Variants in TSPAN12 observed in about 807,000 individuals in gnomAD.
The protein encoded by TSPAN12 is tetraspanin 12, also known as tetraspanin-12.
In TSPAN12, 19 loss-of-function variants were observed where a neutral mutation model predicts 39.2. That is an observed-to-expected ratio of 0.49 (90% CI 0.34 to 0.71). The LOEUF is 0.71. TSPAN12 is among the 30% of genes least tolerant of loss of function. The pLI is 0.01. For synonymous variants in TSPAN12, 119 were observed against 124.8 expected (o/e 0.95, Z 0.31); for missense variants, 314 against 359.9 (o/e 0.87, Z 1.03).
At chr7:120,815,582 C>T in intron 5 of TSPAN12, 147 bp downstream of exon 5, 10 of 758,106 alleles carry the variant, frequency 1.3e-5, no homozygotes, top group South Asian at 1.3e-4. Context: ...GAGGCCTCCC[C>T]AGCCATGCTG....
At chr7:120,831,978 C>T (rs1205146787) in intron 4 of TSPAN12, among the ~76,000 whole-genome samples, 1 of 150,674 alleles carries the variant, frequency 6.6e-6, no homozygotes, top group Non-Finnish European at 1.5e-5. Context: ...TAAATTATAA[C>T]TTCTAAAGAA....
At chr7:120,852,900 T>A (rs561009549) in intron 2 of TSPAN12, among the ~76,000 whole-genome samples, 1 of 152,094 alleles carries the variant, frequency 6.6e-6, no homozygotes, top group Admixed American at 6.5e-5. Context: ...ATTTTATGGG[T>A]CTATTATGAG....
chr7:120,808,416 T>C (rs898538281), intron 6 of TSPAN12, among the ~76,000 whole-genome samples: 4 of 152,128 alleles, frequency 2.6e-5, no homozygotes, highest in Admixed American at 1.3e-4. Context: ...AACATATTAC[T>C]GTGGTCTACA....
chr7:120,798,454 C>T (rs1243229385), intron 7 of TSPAN12, among the ~76,000 whole-genome samples: 1 of 152,150 alleles, frequency 6.6e-6, no homozygotes, highest in Non-Finnish European at 1.5e-5. Context: ...ATCTAAATAA[C>T]CACTGAACCT....
chr7:120,824,462 C>G (rs1303529237), intron 4 of TSPAN12, among the ~76,000 whole-genome samples: 1 of 151,662 alleles, frequency 6.6e-6, no homozygotes, highest in African/African-American at 2.4e-5. Context: ...AAAAACCTAT[C>G]CATACTGTTT....
intron 4 of TSPAN12, 104 bp from the exon 5 acceptor site, chr7:120,815,907 C>G (rs1794071557): frequency 9.8e-7 from 1 of 1,022,300 alleles, no homozygotes. Context: ...AAAACAGAGG[C>G]AAGTTTTCAT....
At chr7:120,821,045 AAATGAATGAAG>A (rs1000518485) in intron 4 of TSPAN12, among the ~76,000 whole-genome samples, 67 of 152,304 alleles carry the variant, frequency 4.4e-4, no homozygotes, top group African/African-American at 1.6e-3. Context: ...TAAACATTTT[AAATGAATGAAG>A]AATGAATAAA....
chr7:120,821,937 G>C (rs1720303197), intron 4 of TSPAN12, among the ~76,000 whole-genome samples: 1 of 151,786 alleles, frequency 6.6e-6, no homozygotes, highest in Admixed American at 6.6e-5. Flanking sequence ...ACTGTTTTTG[G>C]TATTTTCCAA....
At chr7:120,828,751 A>T (rs1038420577) in intron 4 of TSPAN12, among the ~76,000 whole-genome samples, 5 of 150,696 alleles carry the variant, frequency 3.3e-5, no homozygotes, top group Admixed American at 6.6e-5. Context: ...AAAAAACCCT[A>T]ATTGTCTCAT....
At chr7:120,827,913 G>C (rs971392724) in intron 4 of TSPAN12, among the ~76,000 whole-genome samples, 2 of 152,150 alleles carry the variant, frequency 1.3e-5, no homozygotes, top group African/African-American at 4.8e-5. Flanking sequence ...TCCTCTTTGT[G>C]CTGGCTTGTT....
chr7:120,842,557 G>A (rs1429533467), intron 2 of TSPAN12, among the ~76,000 whole-genome samples: 5 of 151,922 alleles, frequency 3.3e-5, no homozygotes, highest in Non-Finnish European at 7.4e-5. Context: ...AAGCTGTTGG[G>A]CTTCGACGTG....
At chr7:120,797,599 T>C (rs1193036758) in intron 7 of TSPAN12, among the ~76,000 whole-genome samples, 4 of 152,222 alleles carry the variant, frequency 2.6e-5, no homozygotes, top group African/African-American at 4.8e-5. Context: ...ATGGAATACC[T>C]GACAAGAACC....
chr7:120,850,254 G>A (rs558091777), intron 2 of TSPAN12, among the ~76,000 whole-genome samples: 3 of 152,184 alleles, frequency 2.0e-5, no homozygotes, highest in Non-Finnish European at 4.4e-5. Context: ...TTTTCCTATA[G>A]ATAGGGTGAC....
At chr7:120,839,035 G>C in intron 3 of TSPAN12, 123 bp from the exon 4 acceptor site, 1 of 959,392 alleles carries the variant, frequency 1.0e-6, no homozygotes, top group East Asian at 2.5e-5. Flanking sequence ...CAAAACTAGT[G>C]ACTGCATTGT....
intron 2 of TSPAN12, among the ~76,000 whole-genome samples, chr7:120,845,407 A>G (rs1177465045): frequency 6.6e-6 from 1 of 152,216 alleles, no homozygotes; most frequent in African/African-American, 2.4e-5. Context: ...CCACATGGTC[A>G]AGCTGCAAAT....
chr7:120,837,738 T>C (rs1030985880), intron 4 of TSPAN12, among the ~76,000 whole-genome samples: 5 of 152,222 alleles, frequency 3.3e-5, no homozygotes, highest in Admixed American at 6.5e-5. Flanking sequence ...TAGTTCAACT[T>C]CACACTAAGA....
At position 120,820,571 on chromosome 7, in the gene TSPAN12, G is replaced by T. The variant is rs1794170456; in HGVS notation, c.286-4768C>A. On this transcript the variant is annotated intron_variant, in intron 4 of 7. Transcript: ENST00000222747. ...TTTCTCCCTCCCTCTGTGTGTCGGG[G>T]TTTCCTTGTCTGCTGTATTTCAGGT... Among the ~76,000 whole-genome samples the T allele has an allele frequency of 2.0e-5, 3 of 151,878 alleles. No homozygotes were observed. In the South Asian group the frequency reaches 6.2e-4, roughly 32 times the overall value.
intron 2 of TSPAN12, among the ~76,000 whole-genome samples, chr7:120,850,464 C>G (rs142019132): frequency 3.9e-5 from 6 of 152,216 alleles, no homozygotes; most frequent in Non-Finnish European, 8.8e-5. Context: ...TGCAGTCTAA[C>G]TGCAGTAAAC....
intron 2 of TSPAN12, among the ~76,000 whole-genome samples, chr7:120,840,411 A>G (rs1399003631): frequency 3.3e-5 from 5 of 152,234 alleles, no homozygotes; most frequent in Admixed American, 2.0e-4. Context: ...TATCAAACAT[A>G]TAAGATGTGT....
Sources: allele counts gnomAD v4.1 joint callset (sites outside exome capture counted in the v4.1 genomes callset), GRCh38; gene constraint gnomAD v4.1.1; transcripts MANE v1.5; gene names NCBI Gene and HGNC (gene_info 2026-07-23, HGNC 2026-07-21).